The following PARP11 variants were observed in gnomAD, a reference collection of about 807,000 sequenced individuals.
The protein encoded by PARP11 is protein mono-ADP-ribosyltransferase PARP11.
Under a neutral mutation model 42.9 loss-of-function variants are expected in PARP11, and 31 were observed. That is an observed-to-expected ratio of 0.72 (90% CI 0.54 to 0.98). The LOEUF is 0.98. Ranked by LOEUF, PARP11 falls within the 50% of genes least tolerant of loss-of-function variation. The pLI, the probability that PARP11 is intolerant of heterozygous loss-of-function variation, is 0.00. For missense variants in PARP11, 365 were observed against 413.1 expected (o/e 0.88, Z 1.01); for synonymous variants, 137 against 127.3 (o/e 1.08, Z -0.51).
chr12:3,857,133 G>T (rs142058488), intron 1 of PARP11, among the ~76,000 whole-genome samples: 1 of 151,788 alleles, frequency 6.6e-6, no homozygotes, highest in Non-Finnish European at 1.5e-5. Flanking sequence ...GTCGGGGGGT[G>T]GGGGGCTGGG....
intron 1 of PARP11, among the ~76,000 whole-genome samples, chr12:3,838,277 T>C (rs544508166): frequency 6.6e-6 from 1 of 151,946 alleles, no homozygotes; most frequent in South Asian, 2.1e-4. Flanking sequence ...ACAATGAAAC[T>C]AGAAACCAAA....
At chr12:3,818,996 C>T (rs1190042513) in intron 6 of PARP11, among the ~76,000 whole-genome samples, 2 of 152,190 alleles carry the variant, frequency 1.3e-5, no homozygotes, top group African/African-American at 4.8e-5. Flanking sequence ...TATTACCCCA[C>T]ATTTTCTAAC....
At position 3,814,103 on chromosome 12, in the gene PARP11, C is replaced by T. The variant is rs1245629180; in HGVS notation, c.634G>A (p.Glu212Lys). The change falls in exon 7 of 8, where the codon GAA (glutamate) becomes AAA (lysine). Residue 212 changes from glutamate to lysine, a missense_variant. Glu to Lys is a moderately conservative substitution (Grantham distance 56). Transcript: ENST00000228820. ...TCAAAGTTATGAATGCAGATTGCTT[C>T]CACAAATTCACTGCTGGTACCATGA... ...LFHGTSSEFV[E>K]AICIHNFDWR... 14 of 1,608,978 alleles carry T rather than the reference C, an allele frequency of 8.7e-6. No homozygotes were observed. The highest frequency in any genetic ancestry group is 1.1e-5 in the Non-Finnish European group (13 of 1,176,818).
At chr12:3,845,344 A>G (rs1487790363) in intron 1 of PARP11, among the ~76,000 whole-genome samples, 2 of 152,204 alleles carry the variant, frequency 1.3e-5, no homozygotes, top group African/African-American at 4.8e-5. Context: ...CCAGACCACA[A>G]TGCCGATATA....
intron 1 of PARP11, chr12:3,872,603 A>T: frequency 1.0e-6 from 1 of 985,276 alleles, no homozygotes; most frequent in Non-Finnish European, 1.2e-6. Context: ...CATACAGTCC[A>T]TACTCCAAGT....
intron 1 of PARP11, among the ~76,000 whole-genome samples, chr12:3,870,533 C>G (rs1948457456): frequency 6.6e-6 from 1 of 152,188 alleles, no homozygotes; most frequent in African/African-American, 2.4e-5. Context: ...AATCCAACAG[C>G]AAATTCTGAT....
At chr12:3,869,360 A>G (rs1020308950) in intron 1 of PARP11, among the ~76,000 whole-genome samples, 3 of 152,238 alleles carry the variant, frequency 2.0e-5, no homozygotes, top group Non-Finnish European at 2.9e-5. Context: ...TTTTAAAAAC[A>G]TAAATATGTT....
chr12:3,856,763 T>G (rs1453042387), intron 1 of PARP11, among the ~76,000 whole-genome samples: 1 of 152,168 alleles, frequency 6.6e-6, no homozygotes, highest in Non-Finnish European at 1.5e-5. Flanking sequence ...TTTGACCCAG[T>G]GATTTCATTA....
chr12:3,871,480 A>T (rs959978493), intron 1 of PARP11, among the ~76,000 whole-genome samples: 3 of 152,354 alleles, frequency 2.0e-5, no homozygotes, highest in Admixed American at 2.0e-4. Flanking sequence ...GTTAAGAGCA[A>T]TAGGCTATTC....
intron 6 of PARP11, among the ~76,000 whole-genome samples, chr12:3,816,336 C>G (rs1235218858): frequency 1.3e-5 from 2 of 152,198 alleles, no homozygotes; most frequent in African/African-American, 4.8e-5. Context: ...GATAAGCAAG[C>G]CCTCTACATT....
chr12:3,853,505 C>T (rs1948136595), intron 1 of PARP11, among the ~76,000 whole-genome samples: 1 of 152,174 alleles, frequency 6.6e-6, no homozygotes. Context: ...ATAAAACAGA[C>T]TTTAAACCAA....
chr12:3,813,195 A>G (rs1282038794), intron 7 of PARP11, among the ~76,000 whole-genome samples: 4 of 152,210 alleles, frequency 2.6e-5, no homozygotes, highest in African/African-American at 9.7e-5. Flanking sequence ...GCAAAGCTCT[A>G]GAGAGCACAG....
intron 1 of PARP11, among the ~76,000 whole-genome samples, chr12:3,870,448 A>G (rs1040885118): frequency 6.6e-6 from 1 of 152,232 alleles, no homozygotes; most frequent in African/African-American, 2.4e-5. Flanking sequence ...TTACAAAGAA[A>G]TGAGATAATG....
chr12:3,859,120 T>C (rs1318400449), intron 1 of PARP11, among the ~76,000 whole-genome samples: 3 of 151,282 alleles, frequency 2.0e-5, no homozygotes, highest in Admixed American at 1.3e-4. Context: ...AAGAAAAATA[T>C]TATATAAAAT....
chr12:3,842,075 T>G, intron 1 of PARP11: 1 of 1,608,764 alleles, frequency 6.2e-7, no homozygotes, highest in Middle Eastern at 1.7e-4. Context: ...ACTCAGATTC[T>G]AAACAGAGAG....
chr12:3,859,364 A>G (rs1016499173), intron 1 of PARP11, among the ~76,000 whole-genome samples: 6 of 151,994 alleles, frequency 3.9e-5, no homozygotes, highest in African/African-American at 1.4e-4. Context: ...GGAGATCGAG[A>G]CCAACTTGAC....
Position 3,810,948 on chromosome 12 carries a change from C to G in PARP11, c.*1175G>C, listed in dbSNP as rs1446871949. On this transcript the variant is annotated 3_prime_UTR_variant, in exon 8 of 8. Transcript: ENST00000228820. ...ACTTAACTCCTATGCAACATGCCCG[C>G]CAAGTTGCTGTCTCGCCTCTGCTAG... 6.6e-6 allele frequency: 1 copy of G among 152,178 alleles called. No individual in the cohort carries two copies. The highest frequency in any genetic ancestry group is 2.4e-5 in the African/African-American group (1 of 41,438). 9.4% of individuals were successfully genotyped at this position (152,178 alleles called of 1,614,324 possible). A position where few individuals can be genotyped will look rare whatever the true frequency, so the allele number is the denominator to read the frequency against.
Position 3,822,091 on chromosome 12 carries a change from TG to T in PARP11, c.410del (p.Pro137HisfsTer39). The T allele has an allele frequency of 1.9e-6, 3 of 1,613,616 alleles. No homozygotes were observed. The stretch of plus-strand genomic sequence containing the variant: ...CAGTCAATTCTGCTCTTACCTGATA[TG>T]GTACTTGAGTATTCACATTCTCCCA... ...PHWENVNTQV[P>X]YQLIPLHNQT... On this transcript the variant is annotated frameshift_variant, in exon 5 of 8. Transcript: ENST00000228820. LOFTEE classifies it high-confidence loss of function.
At chr12:3,827,270 G>A (rs1489014955) in intron 3 of PARP11, among the ~76,000 whole-genome samples, 1 of 152,184 alleles carries the variant, frequency 6.6e-6, no homozygotes, top group East Asian at 1.9e-4. Context: ...TACACAGAGG[G>A]TTGGGGAACT....
Sources: gnomAD v4.1 joint callset for allele counts (sites outside exome capture counted in the v4.1 genomes callset) on GRCh38, gnomAD v4.1.1 for gene constraint, MANE v1.5 for transcripts, NCBI Gene and HGNC (gene_info 2026-07-23, HGNC 2026-07-21) for gene names.